The following TBC1D9 variants were observed in gnomAD, a reference collection of about 807,000 sequenced individuals.
TBC1D9 encodes the protein TBC1 domain family member 9A.
In TBC1D9, 63 loss-of-function variants were observed where a neutral mutation model predicts 132.0. The observed-to-expected ratio is 0.48, with a 90% CI of 0.39 to 0.59. The LOEUF is 0.59. Among genes scored for constraint, TBC1D9 ranks in the 20% least tolerant of loss-of-function variants. The pLI is 0.00. For synonymous variants in TBC1D9, 610 were observed against 609.9 expected (o/e 1.00, Z 0.00); for missense variants, 1,261 against 1,592.7 (o/e 0.79, Z 3.54).
chr4:140,678,594 A>C (rs1396706450), intron 5 of TBC1D9, among the ~76,000 whole-genome samples: 1 of 152,146 alleles, frequency 6.6e-6, no homozygotes, highest in East Asian at 1.9e-4. Context: ...GTACCTGCAC[A>C]GGTAACTTCT....
chr4:140,674,752 G>A (rs994798154), intron 6 of TBC1D9, among the ~76,000 whole-genome samples: 3 of 151,712 alleles, frequency 2.0e-5, no homozygotes, highest in Non-Finnish European at 4.4e-5. Flanking sequence ...AAGCTGGAGT[G>A]CAGTGGTTCG....
At chr4:140,688,503 C>CA (rs955353009) in intron 2 of TBC1D9, among the ~76,000 whole-genome samples, 3 of 152,002 alleles carry the variant, frequency 2.0e-5, no homozygotes, top group East Asian at 3.9e-4. Flanking sequence ...CTCATCTCTA[C>CA]AAAAAAATTA....
At chr4:140,645,161 A>C (rs1419420685) in intron 13 of TBC1D9, 4 of 556,014 alleles carry the variant, frequency 7.2e-6, no homozygotes, top group Middle Eastern at 3.5e-4. Context: ...CCAGCTCATT[A>C]CTCTCTCTGA....
At chr4:140,654,829 T>A (rs1342532250) in intron 13 of TBC1D9, among the ~76,000 whole-genome samples, 2 of 152,172 alleles carry the variant, frequency 1.3e-5, no homozygotes, top group South Asian at 2.1e-4. Flanking sequence ...CTAATTTTTT[T>A]AATCCAAACT....
intron 2 of TBC1D9, among the ~76,000 whole-genome samples, chr4:140,698,031 G>C (rs920431747): frequency 2.6e-5 from 4 of 152,216 alleles, no homozygotes; most frequent in African/African-American, 9.6e-5. Flanking sequence ...TCATGAGGTG[G>C]AGGGGTTTGG....
chr4:140,748,623 A>C (rs1490909443), intron 1 of TBC1D9, among the ~76,000 whole-genome samples: 4 of 152,222 alleles, frequency 2.6e-5, no homozygotes, highest in Admixed American at 6.5e-5. Flanking sequence ...AAAGAACAAC[A>C]ATTCAGAGTG....
At chr4:140,643,040 C>G in intron 13 of TBC1D9, 1 of 1,099,278 alleles carries the variant, frequency 9.1e-7, no homozygotes, top group Non-Finnish European at 1.3e-6. Flanking sequence ...TCATGGGGTA[C>G]ATCCGCTCCT....
chr4:140,661,795 T>C, intron 10 of TBC1D9, 98 bp downstream of exon 10: 1 of 1,014,912 alleles, frequency 9.9e-7, no homozygotes. Flanking sequence ...GGTAAAGTGA[T>C]AGTTCTGTTA....
intron 1 of TBC1D9, among the ~76,000 whole-genome samples, chr4:140,733,215 T>C (rs536143863): frequency 2.0e-5 from 3 of 152,340 alleles, no homozygotes; most frequent in African/African-American, 7.2e-5. Context: ...ATATTCCTAA[T>C]TGTTTAAAGT....
chr4:140,664,768 C>T (rs74953379), intron 9 of TBC1D9, among the ~76,000 whole-genome samples: 3,850 of 152,060 alleles, frequency 0.025, 95 homozygotes, highest in South Asian at 0.073. Context: ...GATATCCATA[C>T]GGAAAAGAAT....
rs753907378 is a variant in TBC1D9, at chr4:140,628,324, G to A, written c.2788C>T (p.Leu930=). The stretch of plus-strand genomic sequence containing the variant: ...CCAGGCAAGACGTGCATTTTGTACA[G>A]GAGTTTGAGCTTCTCTGTGAGGTCC... ...HGDLTEKLKL[L]YKMHVLPEPS... The change falls in exon 17 of 21, where the codon CTG becomes TTG. Residue 930 remains leucine, a synonymous_variant. Coordinates refer to ENST00000442267, the MANE Select transcript of TBC1D9 (RefSeq NM_015130.3). 1.9e-6 allele frequency: 3 copies of A among 1,613,930 alleles called. No individual in the cohort carries two copies. The East Asian group carries it at 6.7e-5, about 36-fold the overall frequency.
chr4:140,689,279 C>T (rs1737836340), intron 2 of TBC1D9, among the ~76,000 whole-genome samples: 2 of 152,134 alleles, frequency 1.3e-5, no homozygotes, highest in African/African-American at 4.8e-5. Context: ...ACTTTACTTT[C>T]AGAATCCCAT....
At chr4:140,679,952 G>A in intron 3 of TBC1D9, 109 bp from the exon 4 acceptor site, 2 of 896,896 alleles carry the variant, frequency 2.2e-6, no homozygotes, top group Non-Finnish European at 3.2e-6. Flanking sequence ...AAAAATTGAG[G>A]AATGCCCTTC....
intron 11 of TBC1D9, 70 bp downstream of exon 11, chr4:140,659,518 G>T: frequency 9.1e-7 from 1 of 1,100,162 alleles, no homozygotes; most frequent in Non-Finnish European, 1.3e-6. Context: ...ATAGTGTTCT[G>T]GCTGGCACCT....
intron 1 of TBC1D9, among the ~76,000 whole-genome samples, chr4:140,734,149 T>A (rs1738639970): frequency 6.6e-6 from 1 of 152,212 alleles, no homozygotes; most frequent in African/African-American, 2.4e-5. Context: ...TTTTCTGATT[T>A]TTTTGAGACA....
At chr4:140,747,349 C>CA (rs201840905) in intron 1 of TBC1D9, among the ~76,000 whole-genome samples, 44,158 of 144,464 alleles carry the variant, frequency 0.31, 6,740 homozygotes, top group East Asian at 0.57. Context: ...GAGACTCTGT[C>CA]AAAAAAAAAA....
intron 1 of TBC1D9, among the ~76,000 whole-genome samples, chr4:140,743,786 A>G (rs1035530605): frequency 7.9e-5 from 12 of 152,204 alleles, no homozygotes; most frequent in African/African-American, 2.9e-4. Context: ...ACCATATCAC[A>G]ATTCACAATC....
At chr4:140,687,460 C>A (rs532710361) in intron 2 of TBC1D9, among the ~76,000 whole-genome samples, 1 of 142,492 alleles carries the variant, frequency 7.0e-6, no homozygotes. Flanking sequence ...ATTGATTCAC[C>A]CTTCAGGATT....
chr4:140,649,380 A>C (rs375089990), intron 13 of TBC1D9, among the ~76,000 whole-genome samples: 5 of 152,246 alleles, frequency 3.3e-5, no homozygotes, highest in Non-Finnish European at 7.3e-5. Flanking sequence ...TTATTTTCCC[A>C]GTATGCAGAA....
Sources: allele counts gnomAD v4.1 joint callset (sites outside exome capture counted in the v4.1 genomes callset), GRCh38; gene constraint gnomAD v4.1.1; transcripts MANE v1.5; gene names NCBI Gene and HGNC (gene_info 2026-07-23, HGNC 2026-07-21).